Variants in MB21D2 observed in about 807,000 individuals in gnomAD.
MB21D2 encodes the protein nucleotidyltransferase MB21D2.
In MB21D2, 9 loss-of-function variants were observed where a neutral mutation model predicts 33.3. The observed-to-expected ratio is 0.27, with a 90% confidence interval of 0.16 to 0.47. The LOEUF (loss-of-function observed/expected upper bound fraction) is 0.47, where lower values mean the gene tolerates loss of function less well. MB21D2 is among the 20% of genes least tolerant of loss of function. MB21D2 has a pLI of 0.99. For missense variants in MB21D2, 540 were observed against 624.6 expected (o/e 0.86, Z 1.44); for synonymous variants, 241 against 236.3 (o/e 1.02, Z -0.18).
At chr3:192,869,424 CACAGTGAATAAA>C in intron 1 of MB21D2, among the ~76,000 whole-genome samples, 1 of 151,856 alleles carries the variant, frequency 6.6e-6, no homozygotes. Context: ...AGGAGACTGA[CACAGTGAATAAA>C]ACAATCCAAA....
chr3:192,800,287 C>T (rs193181811), intron 1 of MB21D2, among the ~76,000 whole-genome samples: 1 of 152,150 alleles, frequency 6.6e-6, no homozygotes, highest in East Asian at 1.9e-4. Flanking sequence ...CTATGTTGCC[C>T]AGGCTGGTCT....
At chr3:192,884,659 A>G (rs35416585) in intron 1 of MB21D2, among the ~76,000 whole-genome samples, 15,570 of 152,056 alleles carry the variant, frequency 0.1, 897 homozygotes, top group African/African-American at 0.14. Context: ...GAGCCATCGC[A>G]CCCGGCCAGA....
At chr3:192,883,858 T>G (rs957710021) in intron 1 of MB21D2, among the ~76,000 whole-genome samples, 1 of 152,134 alleles carries the variant, frequency 6.6e-6, no homozygotes. Flanking sequence ...GACATCTCAC[T>G]GCCAGAAACA....
At chr3:192,832,651 G>A (rs539320000) in intron 1 of MB21D2, among the ~76,000 whole-genome samples, 2 of 152,216 alleles carry the variant, frequency 1.3e-5, no homozygotes, top group Middle Eastern at 3.4e-3. Context: ...TTAGCTGGAC[G>A]TGGTGGCGTG....
intron 1 of MB21D2, among the ~76,000 whole-genome samples, chr3:192,822,657 G>A (rs981374044): frequency 4.6e-5 from 7 of 152,142 alleles, no homozygotes; most frequent in South Asian, 2.1e-4. Context: ...TATCCTTTAC[G>A]GCTTTTGCTT....
At chr3:192,829,405 C>A (rs1424946842) in intron 1 of MB21D2, among the ~76,000 whole-genome samples, 1 of 152,212 alleles carries the variant, frequency 6.6e-6, no homozygotes, top group Non-Finnish European at 1.5e-5. Flanking sequence ...ATCGCCGTTC[C>A]ATTTTTTAAG....
Position 192,800,534 on chromosome 3 carries a change from T to A in MB21D2, c.212-884A>T, listed in dbSNP as rs113250570. On this transcript the variant is annotated intron_variant, in intron 1 of 1. Transcript: ENST00000392452. ...CTGACATGCATTAGCAATTTTTTTTTAAAAAACCCAGTTTTACTTAAGAAA... is the reference window on the plus strand; with the variant it reads ...CTGACATGCATTAGCAATTTTTTTTAAAAAAACCCAGTTTTACTTAAGAAA... 2.5e-3 allele frequency among the ~76,000 whole-genome samples: 383 copies of A among 152,246 alleles called. 1 individual carries two copies. Among genetic ancestry groups the A allele is most frequent in the East Asian group, 0.012 (62 of 5,180 alleles).
chr3:192,917,534 C>T lies in MB21D2; in HGVS notation c.211+96G>A, dbSNP rs540938173. On this transcript the variant is annotated intron_variant, in intron 1 of 1. Coordinates refer to ENST00000392452, the MANE Select transcript of MB21D2 (RefSeq NM_178496.4). ...AAGGCACCGGCTCGGGAAGGCAACCCAGAAGGGAAGAGGTCGAGAAGCGGC... is the reference window on the plus strand; with the variant it reads ...AAGGCACCGGCTCGGGAAGGCAACCTAGAAGGGAAGAGGTCGAGAAGCGGC... 4 of 1,363,732 alleles carry T rather than the reference C, an allele frequency of 2.9e-6. No individual in the cohort carries two copies. The African/African-American group carries it at 4.3e-5, about 15-fold the overall frequency. The allele number at this position is 1,363,732 out of a possible 1,614,324, so 84.5% of individuals were successfully genotyped here.
chr3:192,898,909 G>C (rs545744264), intron 1 of MB21D2, among the ~76,000 whole-genome samples: 4 of 152,284 alleles, frequency 2.6e-5, no homozygotes, highest in East Asian at 3.9e-4. Context: ...GAGAGATGGG[G>C]CTTTCCATCA....
chr3:192,881,047 G>T (rs1713555625), intron 1 of MB21D2, among the ~76,000 whole-genome samples: 1 of 151,880 alleles, frequency 6.6e-6, no homozygotes, highest in Non-Finnish European at 1.5e-5. Context: ...AAGATGATCT[G>T]GATGTTCCAA....
intron 1 of MB21D2, among the ~76,000 whole-genome samples, chr3:192,871,468 C>CT (rs1359585428): frequency 6.6e-6 from 1 of 152,150 alleles, no homozygotes; most frequent in Non-Finnish European, 1.5e-5. Flanking sequence ...AACACAGAGT[C>CT]TGTCCTCATG....
At chr3:192,909,043 C>T (rs1714274640) in intron 1 of MB21D2, among the ~76,000 whole-genome samples, 1 of 151,464 alleles carries the variant, frequency 6.6e-6, no homozygotes, top group South Asian at 2.1e-4. Flanking sequence ...ATCACGAGGT[C>T]GGGAGATCGA....
At chr3:192,814,755 C>CT (rs1224070335) in intron 1 of MB21D2, among the ~76,000 whole-genome samples, 1 of 151,772 alleles carries the variant, frequency 6.6e-6, no homozygotes, top group Non-Finnish European at 1.5e-5. Flanking sequence ...GTCCCAGCTA[C>CT]TGGGGAGGCT....
chr3:192,837,500 G>A (rs1577178709), intron 1 of MB21D2, among the ~76,000 whole-genome samples: 1 of 152,008 alleles, frequency 6.6e-6, no homozygotes, highest in Non-Finnish European at 1.5e-5. Context: ...TCATCATTCC[G>A]AGGCCCCTCG....
intron 1 of MB21D2, among the ~76,000 whole-genome samples, chr3:192,898,159 CTATT>C (rs67211818): frequency 0.51 from 75,669 of 147,672 alleles, 19,521 homozygotes; most frequent in South Asian, 0.53. Flanking sequence ...CATTTTATAA[CTATT>C]TATTTTTCAA....
At chr3:192,865,752 T>G (rs1399871073) in intron 1 of MB21D2, among the ~76,000 whole-genome samples, 1 of 152,132 alleles carries the variant, frequency 6.6e-6, no homozygotes, top group Non-Finnish European at 1.5e-5. Flanking sequence ...TGATTGTCTT[T>G]ATCAGCCACC....
intron 1 of MB21D2, among the ~76,000 whole-genome samples, chr3:192,874,828 T>C (rs1463882103): frequency 6.6e-6 from 1 of 152,150 alleles, no homozygotes; most frequent in African/African-American, 2.4e-5. Context: ...GCAAGGTCAG[T>C]TGGGATGGCT....
At position 192,880,859 on chromosome 3, in the gene MB21D2, T is replaced by C. The variant is rs138661998; in HGVS notation, c.211+36771A>G. On this transcript the variant is annotated intron_variant, in intron 1 of 1. Coordinates refer to ENST00000392452, the MANE Select transcript of MB21D2 (RefSeq NM_178496.4). ...CTAATATGAATAAAATATAAACCAA[T>C]AGGAAATATTTTCATTAGTGCTTAA... Among the ~76,000 whole-genome samples, 129 of 152,208 alleles carry C rather than the reference T, an allele frequency of 8.5e-4. 1 individual carries two copies. Among genetic ancestry groups the C allele is most frequent in the African/African-American group, 2.9e-3 (119 of 41,492 alleles).
chr3:192,888,048 G>T (rs1427881372), intron 1 of MB21D2, among the ~76,000 whole-genome samples: 2 of 152,050 alleles, frequency 1.3e-5, no homozygotes, highest in Non-Finnish European at 2.9e-5. Flanking sequence ...CATATCTGGG[G>T]ACTAGAAGGG....
Sources: gnomAD v4.1 joint callset for allele counts (sites outside exome capture counted in the v4.1 genomes callset) on GRCh38, gnomAD v4.1.1 for gene constraint, MANE v1.5 for transcripts, NCBI Gene and HGNC (gene_info 2026-07-23, HGNC 2026-07-21) for gene names.